Variants in PTH2R observed in about 807,000 individuals in gnomAD.
PTH2R encodes the protein parathyroid hormone 2 receptor, also known as PTH2 receptor.
Under a neutral mutation model 60.3 loss-of-function variants are expected in PTH2R, and 59 were observed. The ratio of observed to expected loss-of-function variants is 0.98; its 90% CI spans 0.79 to 1.22. The LOEUF (loss-of-function observed/expected upper bound fraction) is 1.22. PTH2R is among the 50% of genes most tolerant of loss of function. The pLI, the probability that PTH2R is intolerant of heterozygous loss-of-function variation, is 0.00. For synonymous variants in PTH2R, 256 were observed against 243.8 expected (o/e 1.05, Z -0.47); for missense variants, 749 against 682.6 (o/e 1.10, Z -1.08).
intron 8 of PTH2R, among the ~76,000 whole-genome samples, chr2:208,452,847 G>A (rs529548334): frequency 2.6e-5 from 4 of 152,194 alleles, no homozygotes; most frequent in African/African-American, 9.7e-5. Context: ...GCTCAAGGTT[G>A]CACAGCCACG....
chr2:208,454,296 A>T (rs1027913302), intron 8 of PTH2R, among the ~76,000 whole-genome samples: 1 of 152,172 alleles, frequency 6.6e-6, no homozygotes, highest in African/African-American at 2.4e-5. Context: ...TGTCTCCCAA[A>T]ATTCACATGT....
intron 9 of PTH2R, among the ~76,000 whole-genome samples, chr2:208,472,294 T>G (rs1340848408): frequency 2.0e-5 from 3 of 152,100 alleles, no homozygotes; most frequent in African/African-American, 7.2e-5. Context: ...CCTAAATCAT[T>G]TCCCTCCAGT....
intron 9 of PTH2R, among the ~76,000 whole-genome samples, chr2:208,467,829 G>C (rs1292427759): frequency 6.6e-6 from 1 of 152,098 alleles, no homozygotes; most frequent in African/African-American, 2.4e-5. Context: ...CTGACCAAAG[G>C]CCTATCTAAT....
chr2:208,469,853 T>A (rs1245144756), intron 9 of PTH2R: 1 of 152,198 alleles, frequency 6.6e-6, no homozygotes, highest in Non-Finnish European at 1.5e-5. Context: ...TTGTTTTGGT[T>A]CTGGGCCTCC....
chr2:208,372,599 TAAG>T (rs1700721910), intron 1 of PTH2R, among the ~76,000 whole-genome samples: 1 of 151,882 alleles, frequency 6.6e-6, no homozygotes, highest in Admixed American at 6.6e-5. Context: ...CCTAATATAA[TAAG>T]AGGGAGTGGT....
At chr2:208,380,323 G>T (rs907381793) in intron 1 of PTH2R, among the ~76,000 whole-genome samples, 2 of 152,080 alleles carry the variant, frequency 1.3e-5, no homozygotes, top group Non-Finnish European at 1.5e-5. Context: ...TGTGAATTAT[G>T]ATGGTATCTG....
At chr2:208,464,065 C>T (rs1040909550) in intron 9 of PTH2R, among the ~76,000 whole-genome samples, 6 of 152,196 alleles carry the variant, frequency 3.9e-5, no homozygotes, top group African/African-American at 1.4e-4. Flanking sequence ...TTTTGTTAAA[C>T]ATTTTAGTAT....
In PTH2R at chr2:208,493,780, A is replaced by C; in HGVS notation, c.*121A>C. 1 of 1,182,440 alleles carries C rather than the reference A, an allele frequency of 8.5e-7. No homozygotes were observed. The highest frequency in any genetic ancestry group is 2.1e-5 in the South Asian group (1 of 46,914). The allele number at this position is 1,182,440 out of a possible 1,614,324, so 73.2% of individuals were successfully genotyped here. A position where few individuals can be genotyped will look rare whatever the true frequency, so the allele number is the denominator to read the frequency against. On this transcript the variant is annotated 3_prime_UTR_variant, in exon 13 of 13. Transcript: ENST00000272847. ...AATTCAGTTAAGGTGTTACTTAATA[A>C]TAGTTTTTAGGCTCCATGAATTGGC... is the stretch of plus-strand genomic sequence containing the variant.
In PTH2R at chr2:208,489,017, TG is replaced by T; in HGVS notation, c.1084del (p.Ala362ProfsTer9). 1 of 1,614,054 alleles carries T rather than the reference TG, an allele frequency of 6.2e-7. No individual in the cohort carries two copies. The highest frequency in any genetic ancestry group is 8.5e-7 in the Non-Finnish European group (1 of 1,179,992). ...GACTTGCTGTTCTCCTTTAGGAAACTGGCCAAATCGACACTGGTCCTGGTCC... is the reference window on the plus strand; with the variant it reads ...GACTTGCTGTTCTCCTTTAGGAAACTGCCAAATCGACACTGGTCCTGGTCC... ...GHDTRKQYRK[L>X]AKSTLVLVLV... On this transcript the variant is annotated frameshift_variant, in exon 11 of 13. Transcript: ENST00000272847. LOFTEE classifies it high-confidence loss of function.
At chr2:208,440,632 G>A (rs760000349) in intron 4 of PTH2R, among the ~76,000 whole-genome samples, 5 of 152,142 alleles carry the variant, frequency 3.3e-5, no homozygotes, top group South Asian at 4.1e-4. Context: ...CCATGGCTGC[G>A]TGTATCCCTA....
chr2:208,442,238 T>G, intron 4 of PTH2R, 126 bp from the exon 5 acceptor site: 2 of 717,258 alleles, frequency 2.8e-6, no homozygotes, highest in African/African-American at 1.8e-5. Flanking sequence ...TTTTATTGCA[T>G]GCAAATTACA....
At chr2:208,432,887 GC>G (rs1247460197) in intron 2 of PTH2R, among the ~76,000 whole-genome samples, 1 of 152,116 alleles carries the variant, frequency 6.6e-6, no homozygotes, top group East Asian at 1.9e-4. Flanking sequence ...ACTGGAGGGT[GC>G]CCACCCTCAA....
intron 9 of PTH2R, among the ~76,000 whole-genome samples, chr2:208,475,155 G>T (rs1171749207): frequency 6.6e-6 from 1 of 152,148 alleles, no homozygotes; most frequent in South Asian, 2.1e-4. Context: ...TTTATAATGA[G>T]TTGATTCATC....
At position 208,441,430 on chromosome 2, in the gene PTH2R, C is replaced by A. The variant is rs143545605; in HGVS notation, c.412-934C>A. ...AGCTCTTTATATCCCATTTTCTTGG[C>A]CCTTTTATGGAGGCTTCATTGGATT... On this transcript the variant is annotated intron_variant, in intron 4 of 12. Coordinates refer to ENST00000272847, the MANE Select transcript of PTH2R (RefSeq NM_005048.4). Among the ~76,000 whole-genome samples the A allele has an allele frequency of 6.5e-4, 99 of 152,222 alleles. No individual in the cohort carries two copies. The Middle Eastern group carries it at 0.01, about 16-fold the overall frequency.
chr2:208,386,064 G>C (rs1700995994), intron 1 of PTH2R, among the ~76,000 whole-genome samples: 1 of 152,282 alleles, frequency 6.6e-6, no homozygotes, highest in Admixed American at 6.5e-5. Context: ...GATACAGAAA[G>C]TTCTAGAATA....
chr2:208,481,641 C>A (rs554767834), intron 10 of PTH2R, among the ~76,000 whole-genome samples: 1 of 152,180 alleles, frequency 6.6e-6, no homozygotes, highest in Non-Finnish European at 1.5e-5. Flanking sequence ...ACATAAGTAA[C>A]CCCAAAAGCT....
intron 1 of PTH2R, among the ~76,000 whole-genome samples, chr2:208,397,038 C>T (rs1559207758): frequency 6.6e-6 from 1 of 152,100 alleles, no homozygotes; most frequent in African/African-American, 2.4e-5. Flanking sequence ...CCATCATTCT[C>T]AGCAGACTGA....
chr2:208,401,683 G>A (rs999081565), intron 1 of PTH2R, among the ~76,000 whole-genome samples: 3 of 151,870 alleles, frequency 2.0e-5, no homozygotes, highest in East Asian at 1.9e-4. Context: ...TCTCTGCTTC[G>A]AATGCCCTCT....
intron 4 of PTH2R, among the ~76,000 whole-genome samples, chr2:208,438,950 T>G (rs1702130240): frequency 6.6e-6 from 1 of 152,188 alleles, no homozygotes; most frequent in Non-Finnish European, 1.5e-5. Context: ...TAAGTCAATA[T>G]GAGGAGATTG....
Sources: gnomAD v4.1 joint callset for allele counts (sites outside exome capture counted in the v4.1 genomes callset) on GRCh38, gnomAD v4.1.1 for gene constraint, MANE v1.5 for transcripts, NCBI Gene and HGNC (gene_info 2026-07-23, HGNC 2026-07-21) for gene names.